The following PKHD1 variants were observed in gnomAD, a reference collection of about 807,000 sequenced individuals.
PKHD1 encodes fibrocystin.
In PKHD1, 291 loss-of-function variants were observed where a neutral mutation model predicts 412.0. The observed-to-expected ratio is 0.71, with a 90% CI of 0.64 to 0.78. The LOEUF is 0.78. Among genes scored for constraint, PKHD1 ranks in the 30% least tolerant of loss-of-function variants. The pLI is 0.00. For missense variants in PKHD1, 4,825 were observed against 4,950.7 expected (o/e 0.97, Z 0.76); for synonymous variants, 1,777 against 1,821.5 (o/e 0.98, Z 0.62).
At chr6:52,010,210 A>C (rs570368939) in intron 35 of PKHD1, 99 bp downstream of exon 35, 1 of 988,288 alleles carries the variant, frequency 1.0e-6, no homozygotes, top group East Asian at 2.6e-5. Context: ...AATATTATAT[A>C]TCGCTGCCAT....
At position 52,008,305 on chromosome 6, in the gene PKHD1, G is replaced by A. The variant is rs148614975; in HGVS notation, c.5751+2004C>T. ...TGAAATGAACTGGCCGGTCTGTATG[G>A]CATCCAACATTCCACCCAGCTGTGA... On this transcript the variant is annotated intron_variant, in intron 35 of 66. Coordinates refer to ENST00000371117, the MANE Select transcript of PKHD1 (RefSeq NM_138694.4). Among the ~76,000 whole-genome samples, 374 of 152,248 alleles carry A rather than the reference G, an allele frequency of 2.5e-3. 1 individual carries two copies. The highest frequency in any genetic ancestry group is 8.6e-3 in the African/African-American group (359 of 41,530).
At chr6:51,925,929 T>C (rs1198278663) in intron 37 of PKHD1, among the ~76,000 whole-genome samples, 1 of 150,690 alleles carries the variant, frequency 6.6e-6, no homozygotes, top group Non-Finnish European at 1.5e-5. Context: ...AAATATTTTT[T>C]AAAGCATATT....
intron 61 of PKHD1, among the ~76,000 whole-genome samples, chr6:51,653,279 G>C (rs1771257178): frequency 1.3e-4 from 20 of 152,062 alleles, no homozygotes; most frequent in Admixed American, 1.3e-3. Context: ...TGGTCCTGAT[G>C]CTCCCTTTTA....
At chr6:51,759,333 G>C (rs1442149526) in intron 55 of PKHD1, among the ~76,000 whole-genome samples, 2 of 152,100 alleles carry the variant, frequency 1.3e-5, no homozygotes, top group Admixed American at 6.6e-5. Flanking sequence ...ACTGAAATCT[G>C]TGAGAGCTGC....
chr6:52,023,129 A>G (rs1801650772), intron 32 of PKHD1, among the ~76,000 whole-genome samples, 185 bp from the exon 33 acceptor site: 1 of 151,146 alleles, frequency 6.6e-6, no homozygotes, highest in Admixed American at 6.6e-5. Flanking sequence ...GCCTTGTCTG[A>G]CTCCAATCAC....
chr6:52,024,554 G>A lies in PKHD1; in HGVS notation c.5236+20C>T, dbSNP rs756643243. 2.0e-5 allele frequency: 32 copies of A among 1,607,232 alleles called. No homozygotes were observed. Among genetic ancestry groups the A allele is most frequent in the Non-Finnish European group, 2.6e-5 (30 of 1,174,282 alleles). ...TTCATTTACATAAAGAAAGTGTGCT[G>A]TCTTATTTGCTTGACTTACCGAAGT... is the stretch of plus-strand genomic sequence containing the variant. On this transcript the variant is annotated intron_variant, in intron 32 of 66. Coordinates refer to ENST00000371117, the MANE Select transcript of PKHD1 (RefSeq NM_138694.4).
Position 51,912,593 on chromosome 6 carries a change from A to G in PKHD1, c.6122-17T>C, listed in dbSNP as rs1418624109. 1.9e-6 allele frequency: 3 copies of G among 1,544,248 alleles called. No homozygotes were observed. Reference sequence around the variant, plus strand: ...GTAGTGAACCTAAAGCAGCCCGAGGAAAAGTTGTCCAGATAATTTAATCAT... The same window carrying G: ...GTAGTGAACCTAAAGCAGCCCGAGGGAAAGTTGTCCAGATAATTTAATCAT... On this transcript the variant is annotated splice_polypyrimidine_tract_variant and intron_variant, in intron 37 of 66. Transcript: ENST00000371117.
chr6:51,736,059 A>G (rs1783804384), intron 60 of PKHD1, among the ~76,000 whole-genome samples: 1 of 152,236 alleles, frequency 6.6e-6, no homozygotes, highest in Non-Finnish European at 1.5e-5. Context: ...CAACAGGACT[A>G]TCTCTTAGAG....
At chr6:51,749,837 T>C (rs540041898) in intron 57 of PKHD1, among the ~76,000 whole-genome samples, 5 of 152,294 alleles carry the variant, frequency 3.3e-5, no homozygotes, top group African/African-American at 1.2e-4. Context: ...AACTGCCCTA[T>C]AGCTATGAGC....
At chr6:51,780,373 A>G (rs4604271) in intron 53 of PKHD1, among the ~76,000 whole-genome samples, 1 of 150,714 alleles carries the variant, frequency 6.6e-6, no homozygotes, top group African/African-American at 2.4e-5. Flanking sequence ...GGTGACAGAG[A>G]AAGACTCCAT....
intron 50 of PKHD1, among the ~76,000 whole-genome samples, chr6:51,846,810 T>C (rs1771243660): frequency 1.3e-5 from 2 of 152,192 alleles, no homozygotes; most frequent in South Asian, 4.1e-4. Flanking sequence ...CTCATCTTCC[T>C]GACCTCAGAT....
At chr6:52,024,146 A>G (rs1485441786) in intron 32 of PKHD1, among the ~76,000 whole-genome samples, 1 of 152,242 alleles carries the variant, frequency 6.6e-6, no homozygotes, top group Non-Finnish European at 1.5e-5. Flanking sequence ...TTGTTGAAAT[A>G]TGAGTCCACC....
intron 35 of PKHD1, among the ~76,000 whole-genome samples, chr6:51,963,861 T>C (rs535441585): frequency 1.3e-5 from 2 of 152,250 alleles, no homozygotes; most frequent in African/African-American, 4.8e-5. Context: ...TAATATAAGC[T>C]CTTTCCTCTA....
chr6:51,709,462 C>T (rs1048569668), intron 60 of PKHD1, among the ~76,000 whole-genome samples: 6 of 152,122 alleles, frequency 3.9e-5, no homozygotes, highest in Admixed American at 6.5e-5. Flanking sequence ...TATCTCACTT[C>T]GGAGGAAGTT....
chr6:51,970,650 G>A (rs1244973474), intron 35 of PKHD1, among the ~76,000 whole-genome samples: 4 of 152,200 alleles, frequency 2.6e-5, no homozygotes, highest in Admixed American at 6.5e-5. Context: ...TAGAGGTCCA[G>A]TTTCATGTGC....
At chr6:51,679,349 C>G (rs1776309537) in intron 60 of PKHD1, among the ~76,000 whole-genome samples, 1 of 151,966 alleles carries the variant, frequency 6.6e-6, no homozygotes, top group Admixed American at 6.6e-5. Flanking sequence ...GCACAGGAAA[C>G]AGCTTGTTTT....
In PKHD1 at chr6:52,065,164, T is replaced by TAGAGAGAG. The variant is rs1415728896; in HGVS notation, c.881-115_881-114insCTCTCTCT. On this transcript the variant is annotated intron_variant, in intron 12 of 66. Transcript: ENST00000371117. ...ATATATATATATATATATATATATA[T>TAGAGAGAG]ATATAGAGAGAGAGAGAGAGAGAGA... 416 of 57,584 alleles carry TAGAGAGAG rather than the reference T, an allele frequency of 7.2e-3. 4 individuals carry two copies. The highest frequency in any genetic ancestry group is 9.0e-3 in the Non-Finnish European group (313 of 34,872). 3.6% of individuals were successfully genotyped at this position (57,584 alleles called of 1,614,324 possible).
intron 60 of PKHD1, chr6:51,721,420 A>T: frequency 1.8e-6 from 1 of 549,002 alleles, no homozygotes; most frequent in Non-Finnish European, 2.3e-6. Context: ...CAATAATAAT[A>T]ATATCTCAAT....
intron 49 of PKHD1, among the ~76,000 whole-genome samples, chr6:51,848,723 T>TTCCTCATGACCATGGCAGGGCTTCTGTC (rs1771653272): frequency 6.6e-6 from 1 of 152,158 alleles, no homozygotes; most frequent in Non-Finnish European, 1.5e-5. Context: ...CTGTTCTGAA[T>TTCCTCATGACCATGGCAGGGCTTCTGTC]TCCTCATGAC....
Sources: allele counts gnomAD v4.1 joint callset (sites outside exome capture counted in the v4.1 genomes callset), GRCh38; gene constraint gnomAD v4.1.1; transcripts MANE v1.5; gene names NCBI Gene and HGNC (gene_info 2026-07-23, HGNC 2026-07-21).